Variants in IFFO2 observed in about 807,000 individuals in gnomAD.
IFFO2 encodes intermediate filament family orphan 2.
IFFO2 carries 19 observed loss-of-function variants against 53.5 expected under a neutral mutation model. That is an observed-to-expected ratio of 0.36 (90% confidence interval 0.25 to 0.52). The LOEUF is 0.52. Among genes scored for constraint, IFFO2 ranks in the 20% least tolerant of loss-of-function variants. The probability of loss-of-function intolerance (pLI) is 0.94; values close to 1 mark genes in which losing one functional copy is unlikely to be tolerated. For synonymous variants in IFFO2, 303 were observed against 313.6 expected (o/e 0.97, Z 0.36); for missense variants, 570 against 727.4 (o/e 0.78, Z 2.49).
At chr1:18,943,511 C>A (rs1017123278) in intron 1 of IFFO2, among the ~76,000 whole-genome samples, 3 of 152,216 alleles carry the variant, frequency 2.0e-5, no homozygotes, top group Non-Finnish European at 4.4e-5. Context: ...ACGGTTCACC[C>A]AACTCCAACA....
intron 2 of IFFO2, 62 bp downstream of exon 2, chr1:18,920,999 G>T: frequency 7.0e-7 from 1 of 1,430,058 alleles, no homozygotes; most frequent in Non-Finnish European, 9.7e-7. Flanking sequence ...TGAAGACTGT[G>T]CCCCTTGGCC....
At chr1:18,944,486 G>C (rs1936561286) in intron 1 of IFFO2, among the ~76,000 whole-genome samples, 1 of 152,086 alleles carries the variant, frequency 6.6e-6, no homozygotes, top group Non-Finnish European at 1.5e-5. Flanking sequence ...GGATGGGGAG[G>C]CTGAGGGTCT....
At position 18,917,102 on chromosome 1, in the gene IFFO2, G is replaced by A. The variant is rs1936144581; in HGVS notation, c.964-60C>T. On this transcript the variant is annotated intron_variant, in intron 4 of 8. Coordinates refer to ENST00000455833, the MANE Select transcript of IFFO2 (RefSeq NM_001136265.2). This position sits in a 1 kb window ranked among gnomAD's most constrained non-coding sequence, Gnocchi z 5.9. Reference sequence around the variant, plus strand: ...GGGCTCGGCTAGGATGGAAGGTAGGGGTGAACTGGGAAGGGAGCCGGCATC... The same window carrying A: ...GGGCTCGGCTAGGATGGAAGGTAGGAGTGAACTGGGAAGGGAGCCGGCATC... 1 of 1,526,756 alleles carries A rather than the reference G, an allele frequency of 6.5e-7. No individual in the cohort carries two copies. The highest frequency in any genetic ancestry group is 2.5e-5 in the East Asian group (1 of 40,694). 94.6% of individuals were successfully genotyped at this position (1,526,756 alleles called of 1,614,324 possible).
In IFFO2 at chr1:18,908,082, C is replaced by T. The variant is rs981154712; in HGVS notation, c.*479G>A. 1.2e-5 allele frequency: 2 copies of T among 162,354 alleles called. No homozygotes were observed. Among genetic ancestry groups the T allele is most frequent in the Non-Finnish European group, 2.7e-5 (2 of 74,508 alleles). The allele number at this position is 162,354 out of a possible 1,614,324, so 10.1% of individuals were successfully genotyped here. On this transcript the variant is annotated 3_prime_UTR_variant, in exon 9 of 9. Coordinates refer to ENST00000455833, the MANE Select transcript of IFFO2 (RefSeq NM_001136265.2). The stretch of plus-strand genomic sequence containing the variant: ...TGGCAGAGCACCCCAAGCTCCAGGC[C>T]GAGTCTGGGCTGGCTCAGGAGGAAG...
At chr1:18,910,686 G>T (rs775888020) in intron 7 of IFFO2, among the ~76,000 whole-genome samples, 1 of 152,204 alleles carries the variant, frequency 6.6e-6, no homozygotes, top group Non-Finnish European at 1.5e-5. Flanking sequence ...TGGCCAAAGG[G>T]GAATGGTTGC....
chr1:18,949,506 GAC>G (rs1487660292), intron 1 of IFFO2, among the ~76,000 whole-genome samples: 4 of 152,236 alleles, frequency 2.6e-5, no homozygotes, highest in African/African-American at 9.6e-5. Context: ...AGCCATCCGC[GAC>G]ATAGGAAATA....
intron 1 of IFFO2, among the ~76,000 whole-genome samples, chr1:18,954,169 G>A (rs549482063): frequency 2.0e-5 from 3 of 152,242 alleles, no homozygotes; most frequent in Non-Finnish European, 2.9e-5. Flanking sequence ...CCCCCAGGAA[G>A]CTAGGCGCCA....
In IFFO2 at chr1:18,910,479, G is replaced by C; in HGVS notation, c.1318-7C>G. ...TGGCTGTGGCCAGCTCGAGCTGGGAGGAACCAATGAGGAATAAGGGTGAGG... is the reference window on the plus strand; with the variant it reads ...TGGCTGTGGCCAGCTCGAGCTGGGACGAACCAATGAGGAATAAGGGTGAGG... On this transcript the variant is annotated splice_region_variant and splice_polypyrimidine_tract_variant and intron_variant, in intron 7 of 8. Coordinates refer to ENST00000455833, the MANE Select transcript of IFFO2 (RefSeq NM_001136265.2). 6.2e-7 allele frequency: 1 copy of C among 1,608,338 alleles called. No individual in the cohort carries two copies.
chr1:18,945,684 G>A (rs900308046), intron 1 of IFFO2, among the ~76,000 whole-genome samples: 1 of 152,198 alleles, frequency 6.6e-6, no homozygotes, highest in Non-Finnish European at 1.5e-5. Flanking sequence ...TCAGAGACAG[G>A]CCCCACCCCC....
In IFFO2 at chr1:18,923,444, T is replaced by C. The variant is rs142769462; in HGVS notation, c.666-2323A>G. Among the ~76,000 whole-genome samples the C allele has an allele frequency of 3.3e-5, 5 of 152,290 alleles. No homozygotes were observed. In the East Asian group the frequency reaches 7.7e-4, roughly 24 times the overall value. ...AAGGTGACAGCAGGAGCCCAGATCT[T>C]TGGCTTTCCAGACACAATAACAGCA... On this transcript the variant is annotated intron_variant, in intron 1 of 8. Transcript: ENST00000455833.
rs747172633 is a variant in IFFO2, at chr1:18,956,081, C to G, written c.252G>C (p.Gln84His). The change falls in exon 1 of 9, where the codon CAG becomes CAC. Residue 84 changes from glutamine to histidine, a missense_variant. Gln to His is a conservative substitution (Grantham distance 24, BLOSUM62 0). Coordinates refer to ENST00000455833, the MANE Select transcript of IFFO2 (RefSeq NM_001136265.2). This position sits in a 1 kb window ranked among gnomAD's most constrained non-coding sequence, Gnocchi z 6.4. Reference sequence around the variant, plus strand: ...CGCGCTCGCTCTGCTGCTGCTCCAGCTGCTTCTCCAGCAGCCGGTTGCGCC... The same window carrying G: ...CGCGCTCGCTCTGCTGCTGCTCCAGGTGCTTCTCCAGCAGCCGGTTGCGCC... ...LERRNRLLEK[Q>H]LEQQQSERER... The G allele has an allele frequency of 3.3e-5, 49 of 1,499,520 alleles. No individual in the cohort carries two copies. Among genetic ancestry groups the G allele is most frequent in the Non-Finnish European group, 4.4e-5 (49 of 1,116,382 alleles). 92.9% of individuals were successfully genotyped at this position (1,499,520 alleles called of 1,614,324 possible). A position where few individuals can be genotyped will look rare whatever the true frequency, so the allele number is the denominator to read the frequency against.
At position 18,917,982 on chromosome 1, in the gene IFFO2, C is replaced by G. The variant is rs1936160116; in HGVS notation, c.963+380G>C. ...CCATAACCTGGCCAGGGTTCCCCAA[C>G]CGTGGGGATGATGCCCAGTTCTGGC... On this transcript the variant is annotated intron_variant, in intron 4 of 8. Transcript: ENST00000455833. This position sits in a 1 kb window ranked among gnomAD's most constrained non-coding sequence, Gnocchi z 5.9. Among the ~76,000 whole-genome samples the G allele has an allele frequency of 6.6e-6, 1 of 152,232 alleles. No homozygotes were observed. Among genetic ancestry groups the G allele is most frequent in the African/African-American group, 2.4e-5 (1 of 41,472 alleles).
Position 18,918,802 on chromosome 1 carries a change from G to GA in IFFO2, c.823-301dup, listed in dbSNP as rs1470696665. Among the ~76,000 whole-genome samples the GA allele has an allele frequency of 6.6e-6, 1 of 152,046 alleles. No individual in the cohort carries two copies. Among genetic ancestry groups the GA allele is most frequent in the Non-Finnish European group, 1.5e-5 (1 of 67,980 alleles). Reference sequence around the variant, plus strand: ...TCCGTGTTCACTTTGTTAGAGCGAAGAAAAAAGACAACTCCCGCTGGAGAA... The same window carrying GA: ...TCCGTGTTCACTTTGTTAGAGCGAAGAAAAAAAGACAACTCCCGCTGGAGAA... On this transcript the variant is annotated intron_variant, in intron 3 of 8. Transcript: ENST00000455833. This position sits in a 1 kb window ranked among gnomAD's most constrained non-coding sequence, Gnocchi z 5.2.
At chr1:18,932,972 C>T (rs1343108464) in intron 1 of IFFO2, among the ~76,000 whole-genome samples, 6 of 152,252 alleles carry the variant, frequency 3.9e-5, no homozygotes, top group Admixed American at 3.9e-4. Flanking sequence ...CCCGGCAGCC[C>T]AGAATATCTC....
rs1289199254 is a variant in IFFO2 at position 18,905,522 on chromosome 1, C to T, written c.*3039G>A. 6.6e-6 allele frequency: 1 copy of T among 152,156 alleles called. No homozygotes were observed. The highest frequency in any genetic ancestry group is 1.9e-4 in the East Asian group (1 of 5,196). 9.4% of individuals were successfully genotyped at this position (152,156 alleles called of 1,614,324 possible). A position where few individuals can be genotyped will look rare whatever the true frequency, so the allele number is the denominator to read the frequency against. ...CCACCCCCTCTCCTCCCACTCCAAG[C>T]TTAAGTGGTTTAATTCTCCCTAGGT... On this transcript the variant is annotated 3_prime_UTR_variant, in exon 9 of 9. Transcript: ENST00000455833.
intron 5 of IFFO2, among the ~76,000 whole-genome samples, chr1:18,914,840 A>C (rs1936108206): frequency 6.7e-6 from 1 of 149,142 alleles, no homozygotes; most frequent in African/African-American, 2.5e-5. Flanking sequence ...AAAAAAAAAA[A>C]GCCCCTCTTG....
At chr1:18,921,284 G>A (rs538069342) in intron 1 of IFFO2, among the ~76,000 whole-genome samples, 163 bp from the exon 2 acceptor site, 1 of 152,336 alleles carries the variant, frequency 6.6e-6, no homozygotes, top group South Asian at 2.1e-4. Flanking sequence ...CCCAGCCTAG[G>A]GGAGGTGGTG....
At chr1:18,933,073 G>A (rs1489882113) in intron 1 of IFFO2, among the ~76,000 whole-genome samples, 2 of 152,234 alleles carry the variant, frequency 1.3e-5, no homozygotes, top group African/African-American at 2.4e-5. Context: ...GCTCACCCAG[G>A]AGCCAAGTGC....
In IFFO2 at chr1:18,915,879, C is replaced by T. The variant is rs1423692502; in HGVS notation, c.1103+1024G>A. On this transcript the variant is annotated intron_variant, in intron 5 of 8. Transcript: ENST00000455833. ...GTAGCTCATGCCAGTAATCCCAGCA[C>T]TTTGGGAGGCAGAGGTAGGCAGATC... 3.3e-5 allele frequency among the ~76,000 whole-genome samples: 5 copies of T among 152,298 alleles called. No individual in the cohort carries two copies. In the South Asian group the frequency reaches 6.2e-4, roughly 19 times the overall value.
Sources: gnomAD v4.1 joint callset for allele counts (sites outside exome capture counted in the v4.1 genomes callset) on GRCh38, gnomAD v4.1.1 for gene constraint, Gnocchi (gnomAD v3.1) non-coding constraint, MANE v1.5 for transcripts, NCBI Gene and HGNC (gene_info 2026-07-23, HGNC 2026-07-21) for gene names.